The following NLRP9 variants were observed in gnomAD, a reference collection of about 807,000 sequenced individuals.
NLRP9 encodes NACHT, LRR and PYD domains-containing protein 9.
NLRP9 carries 88 observed loss-of-function variants against 83.1 expected under a neutral mutation model. The ratio of observed to expected loss-of-function variants is 1.06; its 90% CI spans 0.89 to 1.26. NLRP9 has a LOEUF of 1.26. Ranked by LOEUF, NLRP9 falls within the 50% of genes most tolerant of loss-of-function variation. NLRP9 has a pLI of 0.00. For synonymous variants in NLRP9, 521 were observed against 447.6 expected (o/e 1.16, Z -2.07); for missense variants, 1,308 against 1,179.3 (o/e 1.11, Z -1.60).
intron 1 of NLRP9, among the ~76,000 whole-genome samples, chr19:55,735,406 A>G (rs1444308871): frequency 6.6e-6 from 1 of 152,164 alleles, no homozygotes. Context: ...TGGCCAACAT[A>G]GTGAGACTCC....
intron 1 of NLRP9, among the ~76,000 whole-genome samples, chr19:55,734,308 A>C (rs1172529245): frequency 6.9e-6 from 1 of 145,384 alleles, no homozygotes; most frequent in East Asian, 2.0e-4. Flanking sequence ...AGATTGCAAT[A>C]AGCCAACATT....
chr19:55,711,969 G>A lies in NLRP9; in HGVS notation c.2674C>T (p.Leu892=). 2 of 1,612,046 alleles carry A rather than the reference G, an allele frequency of 1.2e-6. No individual in the cohort carries two copies. Among genetic ancestry groups the A allele is most frequent in the Non-Finnish European group, 1.7e-6 (2 of 1,179,204 alleles). ...GCACGGGTGATCGGACACGTTTGCA[G>A]CCTGCAAAAGGGAAACACACCAGAG... is the stretch of plus-strand genomic sequence containing the variant. ...HPHCKLECLG[L]QTCPITRACC... The change falls in exon 8 of 9, where the codon CTG becomes TTG. Residue 892 remains leucine (L), a splice_region_variant and synonymous_variant. Transcript: ENST00000332836.
At position 55,714,586 on chromosome 19, in the gene NLRP9, A is replaced by ATT. The variant is rs34849666; in HGVS notation, c.2501+467_2501+468dup. Among the ~76,000 whole-genome samples, 1,131 of 148,018 alleles carry ATT rather than the reference A, an allele frequency of 7.6e-3. 12 individuals are homozygous for ATT. The highest frequency in any genetic ancestry group is 0.024 in the African/African-American group (967 of 40,350). ...GGGGTAAATGTATAGCCTCATCTGG[A>ATT]TTTTTTTTTTTCAGAAGACACCATT... On this transcript the variant is annotated intron_variant, in intron 6 of 8. Coordinates refer to ENST00000332836, the MANE Select transcript of NLRP9 (RefSeq NM_176820.4).
rs770352569 is a variant in NLRP9 at position 55,729,853 on chromosome 19, C to G, written c.1972G>C (p.Val658Leu). Residue 658 changes from valine (V) to leucine (L), a missense_variant, in exon 3 of 9, where the codon GTT (valine) becomes CTT (leucine). Coordinates refer to ENST00000332836, the MANE Select transcript of NLRP9 (RefSeq NM_176820.4). ...TACATGAGTTTTCGGAGTTTACAAA[C>G]AGGCTGAGCCAGCGCTTTGCAAAGA... Reference protein sequence around the residue: ...AILCKALAQPVCKLRKLIFTS... With the variant: ...AILCKALAQPLCKLRKLIFTS... The G allele has an allele frequency of 6.2e-7, 1 of 1,612,086 alleles. No individual in the cohort carries two copies. The highest frequency in any genetic ancestry group is 8.5e-7 in the Non-Finnish European group (1 of 1,179,296).
rs1568603468 is a variant in NLRP9, at chr19:55,732,299, AAGG to A, written c.1529_1531del (p.Ser510del). On this transcript the variant is annotated inframe_deletion, in exon 2 of 9. Transcript: ENST00000332836. The stretch of plus-strand genomic sequence containing the variant: ...TAGGTCTTTTGACAGTGGAAAACCA[AAGG>A]AGGTCTCCAGCATGCTGACGATTTC... 2 of 1,614,210 alleles carry A rather than the reference AAGG, an allele frequency of 1.2e-6. No individual in the cohort carries two copies. Among genetic ancestry groups the A allele is most frequent in the East Asian group, 4.5e-5 (2 of 44,888 alleles).
chr19:55,729,035 CTTAT>C (rs1988483401), intron 3 of NLRP9, among the ~76,000 whole-genome samples: 1 of 112,700 alleles, frequency 8.9e-6, no homozygotes, highest in Non-Finnish European at 1.8e-5. Context: ...TTATGCTTAT[CTTAT>C]TTTTCTTTTT....
intron 7 of NLRP9, 106 bp downstream of exon 7, chr19:55,712,314 G>A (rs1294660066): frequency 5.3e-6 from 5 of 946,174 alleles, no homozygotes; most frequent in African/African-American, 4.9e-5. Flanking sequence ...TCGTCCCAGA[G>A]GGACTTGCTT....
Position 55,730,455 on chromosome 19 carries a change from G to GAAAA in NLRP9, c.1833-467_1833-464dup, listed in dbSNP as rs748459490. Among the ~76,000 whole-genome samples, 1,043 of 115,368 alleles carry GAAAA rather than the reference G, an allele frequency of 9.0e-3. 2 individuals are homozygous for GAAAA. The highest frequency in any genetic ancestry group is 0.014 in the Non-Finnish European group (754 of 52,440). The allele number at this position is 115,368 out of a possible 152,430, so 75.7% of individuals were successfully genotyped here. ...GAAACAGAGCTAGACCCTGCCTCAAGAAAAAAAAAAAAAGGAGCACTATTT... is the reference window on the plus strand; with the variant it reads ...GAAACAGAGCTAGACCCTGCCTCAAGAAAAAAAAAAAAAAAAAGGAGCACTATTT... On this transcript the variant is annotated intron_variant, in intron 2 of 8. Transcript: ENST00000332836.
Position 55,733,243 on chromosome 19 carries a change from G to A in NLRP9, c.588C>T (p.Thr196=). 6.2e-7 allele frequency: 1 copy of A among 1,613,730 alleles called. No individual in the cohort carries two copies. The highest frequency in any genetic ancestry group is 8.5e-7 in the Non-Finnish European group (1 of 1,179,700). ...NVCEMNGIAE[T]SLLELLSRDW... is the part of the protein sequence containing the mutation. ...CCCTAGAGAGGAGCTCCAGTAAGCTGGTCTCTGCGATACCGTTCATTTCAC... is the reference window on the plus strand; with the variant it reads ...CCCTAGAGAGGAGCTCCAGTAAGCTAGTCTCTGCGATACCGTTCATTTCAC... The change falls in exon 2 of 9, where the codon ACC becomes ACT. Residue 196 remains threonine, a synonymous_variant. Transcript: ENST00000332836.
intron 5 of NLRP9, 76 bp from the exon 6 acceptor site, chr19:55,715,301 G>A: frequency 8.1e-7 from 1 of 1,234,980 alleles, no homozygotes; most frequent in Non-Finnish European, 1.1e-6. Flanking sequence ...CCATCTCCCA[G>A]CCCACTGAAG....
chr19:55,736,096 T>G (rs1243867398), intron 1 of NLRP9, among the ~76,000 whole-genome samples: 1 of 152,032 alleles, frequency 6.6e-6, no homozygotes, highest in Non-Finnish European at 1.5e-5. Flanking sequence ...GAGACAAAAT[T>G]CATAAGCAAG....
intron 8 of NLRP9, among the ~76,000 whole-genome samples, chr19:55,710,783 CCTTTAT>C (rs757759610): frequency 2.6e-5 from 4 of 152,146 alleles, no homozygotes; most frequent in Admixed American, 6.6e-5. Context: ...AAACCTCTTT[CCTTTAT>C]AAGTTACCAG....
At chr19:55,722,258 T>TGGGG (rs1988250934) in intron 4 of NLRP9, among the ~76,000 whole-genome samples, 1 of 152,198 alleles carries the variant, frequency 6.6e-6, no homozygotes, top group Non-Finnish European at 1.5e-5. Flanking sequence ...ATCCTTATGT[T>TGGGG]AATGTATAAT....
At chr19:55,712,723 A>T (rs917645308) in intron 6 of NLRP9, 133 bp from the exon 7 acceptor site, 1 of 601,684 alleles carries the variant, frequency 1.7e-6, no homozygotes, top group African/African-American at 2.3e-5. Context: ...TGGGGAGGGG[A>T]AGGAGGAGAG....
At chr19:55,722,204 C>T (rs1490224876) in intron 4 of NLRP9, among the ~76,000 whole-genome samples, 1 of 152,182 alleles carries the variant, frequency 6.6e-6, no homozygotes, top group Non-Finnish European at 1.5e-5. Context: ...CAAAAGGCAA[C>T]ATTCCCAGCT....
intron 1 of NLRP9, chr19:55,737,394 C>T (rs1428152577): frequency 1.3e-5 from 2 of 152,308 alleles, no homozygotes; most frequent in Admixed American, 1.3e-4. Context: ...CTCACTGCTC[C>T]ATATGCGTCC....
Position 55,708,748 on chromosome 19 carries a change from A to G in NLRP9, c.*164T>C, listed in dbSNP as rs1419895079. Reference sequence around the variant, plus strand: ...CGAGGCAAAGACAATCAGCATGTACACTGAATCACACTCCATAATCATATT... The same window carrying G: ...CGAGGCAAAGACAATCAGCATGTACGCTGAATCACACTCCATAATCATATT... On this transcript the variant is annotated 3_prime_UTR_variant, in exon 9 of 9. Coordinates refer to ENST00000332836, the MANE Select transcript of NLRP9 (RefSeq NM_176820.4). The G allele has an allele frequency of 3.9e-6, 2 of 509,222 alleles. No homozygotes were observed. The allele number at this position is 509,222 out of a possible 1,614,324, so 31.5% of individuals were successfully genotyped here.
chr19:55,730,882 ACCTGCACAT>A (rs1413829078), intron 2 of NLRP9, among the ~76,000 whole-genome samples: 1 of 152,142 alleles, frequency 6.6e-6, no homozygotes, highest in African/African-American at 2.4e-5. Flanking sequence ...TATGTCACAA[ACCTGCACAT>A]CCTGCACATG....
chr19:55,715,099 C>T lies in NLRP9; in HGVS notation c.2457G>A (p.Leu819=), dbSNP rs376757627. 1 of 1,612,938 alleles carries T rather than the reference C, an allele frequency of 6.2e-7. No individual in the cohort carries two copies. Among genetic ancestry groups the T allele is most frequent in the Non-Finnish European group, 8.5e-7 (1 of 1,179,866 alleles). The stretch of plus-strand genomic sequence containing the variant: ...AGCCTGGGTGCTTCAGCGCTGCACA[C>T]AGAGATGCCACTCCATTATCTTCCA... ...NALEDNGVAS[L]CAALKHPGCS... The change falls in exon 6 of 9, where the codon CTG becomes CTA. Residue 819 remains leucine (L), a synonymous_variant. Transcript: ENST00000332836.
Sources: gnomAD v4.1 joint callset for allele counts (sites outside exome capture counted in the v4.1 genomes callset) on GRCh38, gnomAD v4.1.1 for gene constraint, MANE v1.5 for transcripts, NCBI Gene and HGNC (gene_info 2026-07-23, HGNC 2026-07-21) for gene names.